The following PRRG1 variants were observed in gnomAD, a reference collection of about 807,000 sequenced individuals.
The protein encoded by PRRG1 is proline rich and Gla domain 1.
In PRRG1, 5 loss-of-function variants were observed where a neutral mutation model predicts 11.8. That is an observed-to-expected ratio of 0.42 (90% CI 0.22 to 0.89). PRRG1 has a LOEUF of 0.89. PRRG1 is among the 40% of genes least tolerant of loss of function. The pLI is 0.28. For missense variants in PRRG1, 155 were observed against 166.1 expected, an observed-to-expected ratio of 0.93 and a Z score of 0.37; for synonymous variants, 66 against 60.4, an observed-to-expected ratio of 1.09 and a Z score of -0.43.
intron 3 of PRRG1, among the ~76,000 whole-genome samples, chrX:37,440,443 T>G (rs1363344387): frequency 8.9e-6 from 1 of 111,994 alleles, no homozygotes; most frequent in Non-Finnish European, 1.9e-5. Context: ...AATTTTGAAC[T>G]TTTTTGGTTT....
At chrX:37,425,715 A>G in intron 2 of PRRG1, 125 bp from the exon 3 acceptor site, 1 of 552,703 alleles carries the variant, frequency 1.8e-6, no homozygotes, top group East Asian at 3.9e-5. Flanking sequence ...GCTAAGTGTT[A>G]CTTCATTGCT....
chrX:37,394,528 T>C (rs1931651713), intron 1 of PRRG1, among the ~76,000 whole-genome samples: 1 of 112,116 alleles, frequency 8.9e-6, no homozygotes, highest in African/African-American at 3.2e-5. Flanking sequence ...GTGATTGACC[T>C]GCCTAATTAA....
chrX:37,369,330 T>A (rs1556370230), intron 1 of PRRG1, among the ~76,000 whole-genome samples: 1 of 112,316 alleles, frequency 8.9e-6, no homozygotes, highest in Non-Finnish European at 1.9e-5. Context: ...TTTTTCATGC[T>A]TTAAAGATGT....
intron 1 of PRRG1, among the ~76,000 whole-genome samples, chrX:37,371,001 T>A (rs1450458460): frequency 5.4e-5 from 6 of 110,170 alleles, no homozygotes; most frequent in African/African-American, 2.0e-4. Context: ...GGCTCCTGAG[T>A]AGAAAGGGAT....
At chrX:37,441,778 A>G (rs1166728512) in intron 3 of PRRG1, 1 of 784,726 alleles carries the variant, frequency 1.3e-6, no homozygotes, top group Non-Finnish European at 1.5e-6. Context: ...CTTTCACGAC[A>G]TCAGGAAGCC....
intron 1 of PRRG1, among the ~76,000 whole-genome samples, chrX:37,378,194 A>G (rs1305712853): frequency 8.9e-6 from 1 of 111,942 alleles, no homozygotes; most frequent in Non-Finnish European, 1.9e-5. Flanking sequence ...TCTTCTGAGG[A>G]CCCAGTTGAA....
In PRRG1 at chrX:37,441,174, A is replaced by T. The variant is rs782393531; in HGVS notation, c.172-11962A>T. The T allele has an allele frequency of 4.4e-5, 37 of 842,402 alleles. No individual in the cohort carries two copies. The South Asian group carries it at 2.0e-3, about 46-fold the overall frequency. The allele number at this position is 842,402 out of a possible 1,213,427, so 69.4% of individuals were successfully genotyped here. A position where few individuals can be genotyped will look rare whatever the true frequency, so the allele number is the denominator to read the frequency against. ...ACAAGAAAATGTTACCAAAAATATCAAATTGATATTCTCAGAATTTAAGAA... is the reference window on the plus strand; with the variant it reads ...ACAAGAAAATGTTACCAAAAATATCTAATTGATATTCTCAGAATTTAAGAA... On this transcript the variant is annotated intron_variant, in intron 3 of 3. Transcript: ENST00000378628.
chrX:37,376,553 A>G (rs1247944758), intron 1 of PRRG1, among the ~76,000 whole-genome samples: 1 of 66,374 alleles, frequency 1.5e-5, no homozygotes, highest in Non-Finnish European at 3.0e-5. Flanking sequence ...ATGTGAGTGT[A>G]TATATATATA....
At chrX:37,408,700 C>T (rs1932266148) in intron 2 of PRRG1, among the ~76,000 whole-genome samples, 1 of 111,885 alleles carries the variant, frequency 8.9e-6, no homozygotes, top group South Asian at 3.7e-4. Context: ...CCAAGGACCC[C>T]CTTTCCTATC....
chrX:37,456,004 A>C lies in PRRG1; in HGVS notation c.*2383A>C, dbSNP rs1197547329. The C allele has an allele frequency of 8.9e-6, 1 of 112,330 alleles. No homozygotes were observed. The highest frequency in any genetic ancestry group is 3.2e-5 in the African/African-American group (1 of 30,943). The allele number at this position is 112,330 out of a possible 1,213,427, so 9.3% of individuals were successfully genotyped here. Reference sequence around the variant, plus strand: ...CATTGTCTTTTCACTCTATCTCAAAAAAAGTGTTGCAAATGTAAAACATTG... The same window carrying C: ...CATTGTCTTTTCACTCTATCTCAAACAAAGTGTTGCAAATGTAAAACATTG... On this transcript the variant is annotated 3_prime_UTR_variant, in exon 4 of 4. Coordinates refer to ENST00000378628, the MANE Select transcript of PRRG1 (RefSeq NM_001142395.2).
intron 1 of PRRG1, among the ~76,000 whole-genome samples, chrX:37,385,827 C>T (rs1556375085): frequency 9.2e-6 from 1 of 109,257 alleles, no homozygotes; most frequent in East Asian, 2.9e-4. Context: ...GTGGCGTGAT[C>T]TAGGCTCACT....
intron 3 of PRRG1, among the ~76,000 whole-genome samples, chrX:37,448,672 G>A (rs1437523361): frequency 8.9e-6 from 1 of 112,151 alleles, no homozygotes; most frequent in Admixed American, 9.4e-5. Flanking sequence ...TCTTCAACTG[G>A]TAGTAAATTG....
At chrX:37,378,174 T>C (rs1013226042) in intron 1 of PRRG1, among the ~76,000 whole-genome samples, 4 of 112,321 alleles carry the variant, frequency 3.6e-5, no homozygotes, top group African/African-American at 1.3e-4. Context: ...TTAATGGATG[T>C]TTGTTTTATT....
At chrX:37,361,048 T>TTTTAGAAAGCTATTTTAAG (rs1930392444) in intron 1 of PRRG1, among the ~76,000 whole-genome samples, 1 of 112,433 alleles carries the variant, frequency 8.9e-6, no homozygotes, top group South Asian at 3.7e-4. Flanking sequence ...TCATAGCTCT[T>TTTTAGAAAGCTATTTTAAG]AAAAATGCTC....
chrX:37,395,608 C>T (rs1180057796), intron 1 of PRRG1, among the ~76,000 whole-genome samples: 5 of 101,012 alleles, frequency 4.9e-5, no homozygotes, highest in Non-Finnish European at 9.8e-5. Flanking sequence ...AAGTGAGACT[C>T]CATCTCAAAA....
chrX:37,378,070 GGTGA>G (rs1398037172), intron 1 of PRRG1, among the ~76,000 whole-genome samples: 2 of 112,067 alleles, frequency 1.8e-5, no homozygotes, highest in Non-Finnish European at 3.8e-5. Context: ...AGAATAGCAA[GGTGA>G]GTAAGGCCAA....
chrX:37,367,255 G>A (rs1206908748), intron 1 of PRRG1, among the ~76,000 whole-genome samples: 2 of 111,902 alleles, frequency 1.8e-5, no homozygotes, highest in Non-Finnish European at 3.8e-5. Context: ...AGGCATTTAA[G>A]GCATTTTTGC....
At chrX:37,399,702 T>A (rs1439323080) in intron 1 of PRRG1, among the ~76,000 whole-genome samples, 1 of 103,531 alleles carries the variant, frequency 9.7e-6, no homozygotes, top group African/African-American at 3.6e-5. Context: ...GGATAAAGAG[T>A]CAAGACCCAT....
chrX:37,430,255 A>AG, intron 3 of PRRG1, among the ~76,000 whole-genome samples: 1 of 90,836 alleles, frequency 1.1e-5, no homozygotes, highest in African/African-American at 7.3e-5. Context: ...CAATAGAGCT[A>AG]GGAAAAAAAA....
Sources: allele counts gnomAD v4.1 joint callset (sites outside exome capture counted in the v4.1 genomes callset), GRCh38; gene constraint gnomAD v4.1.1; transcripts MANE v1.5; gene names NCBI Gene and HGNC (gene_info 2026-07-23, HGNC 2026-07-21).